TNK2: variants seen among roughly 807,000 people sequenced by gnomAD.
The protein encoded by TNK2 is activated CDC42 kinase 1.
In TNK2, 83 loss-of-function variants were observed where a neutral mutation model predicts 101.8. The observed-to-expected ratio is 0.82, with a 90% CI of 0.68 to 0.98. The LOEUF (loss-of-function observed/expected upper bound fraction) is 0.98, where lower values mean the gene tolerates loss of function less well. TNK2 is among the 50% of genes least tolerant of loss of function. The pLI is 0.00. For missense variants in TNK2, 1,665 were observed against 1,483.2 expected (o/e 1.12, Z -2.01); for synonymous variants, 804 against 633.0 (o/e 1.27, Z -4.06).
chr3:195,889,494 C>A (rs370822664), intron 1 of TNK2, among the ~76,000 whole-genome samples: 1 of 152,194 alleles, frequency 6.6e-6, no homozygotes, highest in Non-Finnish European at 1.5e-5. Flanking sequence ...CTTCTGCGGA[C>A]GCTTCAGACT....
At chr3:195,871,589 G>C (rs1476075239) in intron 10 of TNK2, among the ~76,000 whole-genome samples, 1 of 152,162 alleles carries the variant, frequency 6.6e-6, no homozygotes, top group Admixed American at 6.5e-5. Flanking sequence ...CTCCTCAGCA[G>C]CTCCCACCGG....
intron 6 of TNK2, among the ~76,000 whole-genome samples, chr3:195,881,743 G>A (rs1245092029): frequency 2.6e-5 from 2 of 77,446 alleles, no homozygotes; most frequent in South Asian, 4.4e-4. Flanking sequence ...CCTGAAACAC[G>A]ACCCCCAACA....
intron 9 of TNK2, among the ~76,000 whole-genome samples, chr3:195,873,663 C>T (rs947968974): frequency 2.6e-5 from 4 of 152,182 alleles, no homozygotes; most frequent in Non-Finnish European, 5.9e-5. Context: ...CCTCTGAAAC[C>T]CAGCCAGGCC....
At chr3:195,903,773 A>C (rs1175553420) in intron 1 of TNK2, among the ~76,000 whole-genome samples, 1 of 152,158 alleles carries the variant, frequency 6.6e-6, no homozygotes, top group African/African-American at 2.4e-5. Context: ...GGCAAGAAAA[A>C]GAAGCAACAG....
chr3:195,886,994 T>TG lies in TNK2; in HGVS notation c.216dup (p.Lys73GlnfsTer6). On this transcript the variant is annotated frameshift_variant, in exon 3 of 16. Transcript: ENST00000672887. LOFTEE classifies it high-confidence loss of function. The surrounding 1 kb of genome is among the most constrained non-coding windows in gnomAD (Gnocchi z 4.2). Reference sequence around the variant, plus strand: ...TCACCCACCTTACTCATCCACGACTTGCGTTTGCACAAGGCCTTCCTCCTC... The same window carrying TG: ...TCACCCACCTTACTCATCCACGACTTGGCGTTTGCACAAGGCCTTCCTCCTC... The TG allele has an allele frequency of 6.2e-7, 1 of 1,614,090 alleles. No homozygotes were observed. Among genetic ancestry groups the TG allele is most frequent in the Non-Finnish European group, 8.5e-7 (1 of 1,179,986 alleles).
rs745624130 is a variant in TNK2, at chr3:195,886,990, G to A, written c.221C>T (p.Ser74Leu). 2.3e-5 allele frequency: 35 copies of A among 1,510,040 alleles called. No homozygotes were observed. Among genetic ancestry groups the A allele is most frequent in the South Asian group, 6.7e-5 (6 of 89,746 alleles). 93.5% of individuals were successfully genotyped at this position (1,510,040 alleles called of 1,614,324 possible). ...CTCCTCACCCACCTTACTCATCCAC[G>A]ACTTGCGTTTGCACAAGGCCTTCCT... ...KRRKALCKRK[S>L]WMSKVFSGKR... is the part of the protein sequence containing the mutation. The change falls in exon 3 of 16, where the codon TCG (serine) becomes TTG (leucine). Residue 74 changes from serine (S) to leucine (L), a missense_variant. Around this residue, in one of 3 missense-constraint regions of TNK2, gnomAD observed 490 missense variants for 522.5 expected, o/e 0.94. Coordinates refer to ENST00000672887, the MANE Select transcript of TNK2 (RefSeq NM_001382273.1). The surrounding 1 kb of genome is among the most constrained non-coding windows in gnomAD (Gnocchi z 4.2).
rs9812133 is a variant in TNK2 at position 195,870,921 on chromosome 3, T to C, written c.1452-716A>G. Among the ~76,000 whole-genome samples the C allele has an allele frequency of 2.6e-5, 4 of 151,100 alleles. No individual in the cohort carries two copies. In the East Asian group the frequency reaches 5.9e-4, roughly 22 times the overall value. On this transcript the variant is annotated intron_variant, in intron 10 of 15. Coordinates refer to ENST00000672887, the MANE Select transcript of TNK2 (RefSeq NM_001382273.1). ...GTGTGTGGGCCCGCTGTGTGGGTTC[T>C]GGTGTGTGGGGGCCCGCTGTGTGGG...
intron 9 of TNK2, among the ~76,000 whole-genome samples, chr3:195,877,386 C>G (rs978680778): frequency 5.9e-5 from 9 of 152,180 alleles, no homozygotes; most frequent in East Asian, 1.9e-4. Context: ...CCACCCACCC[C>G]CAAGAGGCAC....
chr3:195,900,481 C>T (rs1312473728), intron 1 of TNK2, among the ~76,000 whole-genome samples: 1 of 152,240 alleles, frequency 6.6e-6, no homozygotes, highest in East Asian at 1.9e-4. Flanking sequence ...GAGCATCCAT[C>T]TGTATCAAGT....
rs200111079 is a variant in TNK2, at chr3:195,867,033, C to T, written c.3034-17G>A. 3.0e-4 allele frequency: 487 copies of T among 1,612,520 alleles called. No homozygotes were observed. Among genetic ancestry groups the T allele is most frequent in the Middle Eastern group, 1.8e-3 (11 of 6,058 alleles). On this transcript the variant is annotated splice_polypyrimidine_tract_variant and intron_variant, in intron 14 of 15. Coordinates refer to ENST00000672887, the MANE Select transcript of TNK2 (RefSeq NM_001382273.1). ...CTGCTCCACCTGGGGGTAAGGGTGG[C>T]GCCATGGACACGCGGGCCCAGGGCA...
Position 195,903,294 on chromosome 3 carries a change from C to G in TNK2, c.-19+5191G>C, listed in dbSNP as rs189547767. ...TGACCTCGTGATCTGCACATCTCGG[C>G]CTCCCAAAGTATTGGGATTACAGGC... On this transcript the variant is annotated intron_variant, in intron 1 of 15. Coordinates refer to ENST00000672887, the MANE Select transcript of TNK2 (RefSeq NM_001382273.1). Among the ~76,000 whole-genome samples, 281 of 151,640 alleles carry G rather than the reference C, an allele frequency of 1.9e-3. 1 individual carries two copies. Among genetic ancestry groups the G allele is most frequent in the African/African-American group, 6.6e-3 (271 of 41,306 alleles).
chr3:195,868,341 C>G lies in TNK2; in HGVS notation c.1957G>C (p.Val653Leu). ...PLPPPPAYDD[V>L]AQDEDDFEIC... ...TCAAAGTCATCCTCATCCTGGGCCA[C>G]GTCGTCATAGGCGGGCGGGGGGGGC... The change falls in exon 13 of 16, where the codon GTG becomes CTG. Residue 653 changes from valine (V) to leucine (L), a missense_variant. Physicochemically the swap from Val to Leu is conservative, Grantham distance 32. Around this residue, in one of 3 missense-constraint regions of TNK2, gnomAD observed 1,136 missense variants for 894.9 expected, o/e 1.27. Transcript: ENST00000672887. The G allele has an allele frequency of 1.2e-6, 2 of 1,601,156 alleles. No individual in the cohort carries two copies. Among genetic ancestry groups the G allele is most frequent in the Middle Eastern group, 3.3e-4 (2 of 6,048 alleles).
intron 10 of TNK2, among the ~76,000 whole-genome samples, chr3:195,870,843 GTTC>G (rs1744626598): frequency 6.6e-6 from 1 of 152,222 alleles, no homozygotes; most frequent in Non-Finnish European, 1.5e-5. Flanking sequence ...CCCTTGCTGG[GTTC>G]TTTTTAGGCA....
chr3:195,871,476 C>T (rs1170624949), intron 10 of TNK2, among the ~76,000 whole-genome samples: 1 of 152,112 alleles, frequency 6.6e-6, no homozygotes, highest in Non-Finnish European at 1.5e-5. Flanking sequence ...GTCTCCAGGA[C>T]TCTGGCACCA....
In TNK2 at chr3:195,898,684, G is replaced by C. The variant is rs1162585958; in HGVS notation, c.-19+9801C>G. On this transcript the variant is annotated intron_variant, in intron 1 of 15. Coordinates refer to ENST00000672887, the MANE Select transcript of TNK2 (RefSeq NM_001382273.1). ...TCTGTTGCCCAGGCTGGAGTGCAGT[G>C]GTGTGACCATGGCTCATTTTAATTT... Among the ~76,000 whole-genome samples the C allele has an allele frequency of 9.2e-5, 14 of 152,252 alleles. No individual in the cohort carries two copies. In the East Asian group the frequency reaches 2.3e-3, roughly 25 times the overall value.
chr3:195,906,621 A>G (rs1761747199), intron 1 of TNK2, among the ~76,000 whole-genome samples: 1 of 152,042 alleles, frequency 6.6e-6, no homozygotes, highest in South Asian at 2.1e-4. Flanking sequence ...TTCCACAAGA[A>G]AACTTCTGGG....
At position 195,872,322 on chromosome 3, in the gene TNK2, C is replaced by T. The variant is rs746500207; in HGVS notation, c.1405G>A (p.Asp469Asn). The T allele has an allele frequency of 1.8e-5, 29 of 1,613,152 alleles. No homozygotes were observed. Among genetic ancestry groups the T allele is most frequent in the East Asian group, 6.7e-5 (3 of 44,888 alleles). ...CCCCAGCAGTGGCGGGGGTCACTGT[C>T]GCCATGCCCTGTGTGGATGAAGCTG... ...QNSFIHTGHG[D>N]SDPRHCWGFP... The change falls in exon 10 of 16, where the codon GAC becomes AAC. Residue 469 changes from aspartate to asparagine, a missense_variant. Coordinates refer to ENST00000672887, the MANE Select transcript of TNK2 (RefSeq NM_001382273.1).
intron 1 of TNK2, among the ~76,000 whole-genome samples, chr3:195,907,476 G>C (rs1258875210): frequency 2.0e-5 from 3 of 152,192 alleles, no homozygotes; most frequent in African/African-American, 4.8e-5. Flanking sequence ...CTCTAGCTAA[G>C]GCCCTGGGCA....
intron 12 of TNK2, 182 bp downstream of exon 12, chr3:195,869,315 G>A (rs1576998196): frequency 1.3e-5 from 9 of 672,482 alleles, no homozygotes; most frequent in South Asian, 5.3e-5. Context: ...AGAAGCCCAG[G>A]CTCCGGGGGG....
Sources: gnomAD v4.1 joint callset for allele counts (sites outside exome capture counted in the v4.1 genomes callset) on GRCh38, gnomAD v4.1.1 for gene constraint, gnomAD v4.1.1 regional missense constraint, Gnocchi (gnomAD v3.1) non-coding constraint, MANE v1.5 for transcripts, NCBI Gene and HGNC (gene_info 2026-07-23, HGNC 2026-07-21) for gene names.